The following UROC1 variants were observed in gnomAD, a reference collection of about 807,000 sequenced individuals.
The protein encoded by UROC1 is urocanate hydratase 1.
Under a neutral mutation model 89.5 loss-of-function variants are expected in UROC1, and 79 were observed. The ratio of observed to expected loss-of-function variants is 0.88; its 90% confidence interval spans 0.74 to 1.06. The LOEUF (loss-of-function observed/expected upper bound fraction) is 1.06, where lower values mean the gene tolerates loss of function less well. Among genes scored for constraint, UROC1 ranks in the 50% least tolerant of loss-of-function variants. The pLI is 0.00. For missense variants in UROC1, 885 were observed against 907.8 expected (o/e 0.97, Z 0.32); for synonymous variants, 361 against 354.8 (o/e 1.02, Z -0.20).
At chr3:126,493,129 T>C (rs1475320195) in intron 15 of UROC1, among the ~76,000 whole-genome samples, 1 of 152,138 alleles carries the variant, frequency 6.6e-6, no homozygotes, top group African/African-American at 2.4e-5. Flanking sequence ...AATGGGTGGT[T>C]GTCCCCGGGA....
chr3:126,512,585 A>T (rs1028528953), intron 1 of UROC1, among the ~76,000 whole-genome samples: 11 of 152,080 alleles, frequency 7.2e-5, no homozygotes, highest in Non-Finnish European at 1.5e-4. Flanking sequence ...ATTGCCAGGC[A>T]TGGTGCATAT....
At chr3:126,502,954 A>ATGTG (rs144044419) in intron 9 of UROC1, among the ~76,000 whole-genome samples, 50,670 of 150,654 alleles carry the variant, frequency 0.34, 9,016 homozygotes, top group East Asian at 0.56. Context: ...TGTGTGTTAT[A>ATGTG]TGTGTGTTTA....
At chr3:126,508,233 T>G (rs1284846793) in intron 4 of UROC1, 138 bp from the exon 5 acceptor site, 3 of 1,513,920 alleles carry the variant, frequency 2.0e-6, no homozygotes, top group Non-Finnish European at 2.7e-6. Context: ...GGTGCCTCCC[T>G]CAACACCACC....
rs766734768 is a variant in UROC1 at position 126,505,720 on chromosome 3, C to T, written c.794G>A (p.Cys265Tyr). 5.6e-6 allele frequency: 9 copies of T among 1,613,824 alleles called. No homozygotes were observed. Among genetic ancestry groups the T allele is most frequent in the Non-Finnish European group, 6.8e-6 (8 of 1,180,006 alleles). ...AQAKAAVIVG[C>Y]IGVIAEVDKA... ...GCTTACCTCTGCTATCACACCGATG[C>T]ACCCCACGATGACTGCGGCCTTGGC... is the stretch of plus-strand genomic sequence containing the variant. Residue 265 changes from cysteine to tyrosine, a missense_variant, in exon 8 of 20, where the codon TGC (cysteine) becomes TAC (tyrosine). By Grantham distance (194) the Cys-to-Tyr change is radical. Coordinates refer to ENST00000290868, the MANE Select transcript of UROC1 (RefSeq NM_144639.3).
Position 126,498,032 on chromosome 3 carries a change from T to C in UROC1, c.1438+19A>G. The stretch of plus-strand genomic sequence containing the variant: ...TGGGGGGGCCACCCACCCATGGGCA[T>C]CCCCACCAATGGCGTCACCTCCATC... On this transcript the variant is annotated intron_variant, in intron 14 of 19. Coordinates refer to ENST00000290868, the MANE Select transcript of UROC1 (RefSeq NM_144639.3). 6.2e-7 allele frequency: 1 copy of C among 1,613,886 alleles called. No homozygotes were observed. The highest frequency in any genetic ancestry group is 8.5e-7 in the Non-Finnish European group (1 of 1,179,994).
rs767845496 is a variant in UROC1 at position 126,501,167 on chromosome 3, G to C, written c.965+51C>G. The C allele has an allele frequency of 3.8e-6, 6 of 1,599,750 alleles. No homozygotes were observed. The Admixed American group carries it at 1.0e-4, about 27-fold the overall frequency. The stretch of plus-strand genomic sequence containing the variant: ...GTCAGCATTGAGGTCTTTGCTCAGG[G>C]GGCCCCATCTGGGTTCCCAAGCTGG... On this transcript the variant is annotated intron_variant, in intron 10 of 19. Transcript: ENST00000290868.
At chr3:126,509,867 A>C (rs1054287061) in intron 2 of UROC1, among the ~76,000 whole-genome samples, 189 bp from the exon 3 acceptor site, 1 of 152,018 alleles carries the variant, frequency 6.6e-6, no homozygotes, top group African/African-American at 2.4e-5. Context: ...GCCCCAACCC[A>C]CCCTGCTCTC....
At chr3:126,489,144 G>C in intron 17 of UROC1, 132 bp downstream of exon 17, 1 of 842,042 alleles carries the variant, frequency 1.2e-6, no homozygotes, top group East Asian at 2.6e-5. Flanking sequence ...CCTCAGTCCT[G>C]GGTTGGTCAC....
At chr3:126,500,989 G>T in intron 10 of UROC1, 115 bp from the exon 11 acceptor site, 1 of 1,442,584 alleles carries the variant, frequency 6.9e-7, no homozygotes, top group Non-Finnish European at 9.6e-7. Context: ...AGCAGGCACA[G>T]CCCGAGCCAG....
In UROC1 at chr3:126,507,814, G is replaced by C. The variant is rs756982232; in HGVS notation, c.541-11C>G. On this transcript the variant is annotated splice_polypyrimidine_tract_variant and intron_variant, in intron 5 of 19. Transcript: ENST00000290868. ...GTAGTTGGGAATGACCTGGAGAAGA[G>C]GATGGGGGCAGACAGAGGGGCTGAG... 3.1e-6 allele frequency: 5 copies of C among 1,614,158 alleles called. No individual in the cohort carries two copies. The highest frequency in any genetic ancestry group is 1.7e-5 in the Admixed American group (1 of 60,030).
intron 16 of UROC1, among the ~76,000 whole-genome samples, chr3:126,491,003 G>A (rs189918424): frequency 3.9e-5 from 6 of 152,256 alleles, no homozygotes; most frequent in East Asian, 3.9e-4. Flanking sequence ...ACAGGCCCCT[G>A]TGCCAGAAGA....
Position 126,496,040 on chromosome 3 carries a change from G to C in UROC1, c.1507C>G (p.Leu503Val). ...CTCCCCCAGGCCTGGGCCCTCACCA[G>C]CCGGTGCCTGGCGGCCTCCCGGATC... ...RWIREAARHR[L>V]VVGSQARILY... Residue 503 changes from leucine to valine, a missense_variant and splice_region_variant, in exon 15 of 20, where the codon CTG (leucine) becomes GTG (valine). By Grantham distance (32) the Leu-to-Val change is conservative (BLOSUM62 1). Coordinates refer to ENST00000290868, the MANE Select transcript of UROC1 (RefSeq NM_144639.3). 1 of 1,613,100 alleles carries C rather than the reference G, an allele frequency of 6.2e-7. No homozygotes were observed. The highest frequency in any genetic ancestry group is 8.5e-7 in the Non-Finnish European group (1 of 1,179,936).
At position 126,489,303 on chromosome 3, in the gene UROC1, T is replaced by C. The variant is rs1935589977; in HGVS notation, c.1681A>G (p.Ile561Val). The change falls in exon 17 of 20, where the codon ATT (isoleucine) becomes GTT (valine). Residue 561 changes from isoleucine (I) to valine (V), a missense_variant. Ile to Val is a conservative substitution (Grantham distance 29). Coordinates refer to ENST00000290868, the MANE Select transcript of UROC1 (RefSeq NM_144639.3). ...GCACAGAAGGCAGAGCCGTCGTAAA[T>C]GTTGGAGGTCTCCCTAAAGGGGCTG... ...TDSPFRETSN[I>V]YDGSAFCADM... is the part of the protein sequence containing the mutation. The C allele has an allele frequency of 6.2e-7, 1 of 1,613,890 alleles. No homozygotes were observed. Among genetic ancestry groups the C allele is most frequent in the Non-Finnish European group, 8.5e-7 (1 of 1,179,988 alleles).
Position 126,500,741 on chromosome 3 carries a change from G to A in UROC1, c.1099C>T (p.Leu367Phe). The change falls in exon 11 of 20, where the codon CTC becomes TTC. Residue 367 changes from leucine (L) to phenylalanine (F), a missense_variant. Coordinates refer to ENST00000290868, the MANE Select transcript of UROC1 (RefSeq NM_144639.3). ...VQLSFTEAQS[L>F]MASNPAVFKD... ...AACACAGCAGGGTTGGAGGCCATGA[G>A]GCTCTGGGCCTCCGTGAAGCTGAGC... The A allele has an allele frequency of 1.2e-6, 2 of 1,614,110 alleles. No individual in the cohort carries two copies. Among genetic ancestry groups the A allele is most frequent in the Non-Finnish European group, 1.7e-6 (2 of 1,180,036 alleles).
At chr3:126,489,700 C>T (rs559200661) in intron 16 of UROC1, among the ~76,000 whole-genome samples, 13 of 152,164 alleles carry the variant, frequency 8.5e-5, no homozygotes, top group Non-Finnish European at 1.6e-4. Context: ...TATCACAGAG[C>T]GAGTGAGTCG....
intron 3 of UROC1, among the ~76,000 whole-genome samples, chr3:126,509,238 TAAAA>T (rs531755748): frequency 8.2e-6 from 1 of 122,572 alleles, no homozygotes. Context: ...CCTGTCTCTC[TAAAA>T]AAAAAAAAAA....
rs1307034949 is a variant in UROC1, at chr3:126,500,730, G to A, written c.1110C>T (p.Ser370=). 1 of 1,614,010 alleles carries A rather than the reference G, an allele frequency of 6.2e-7. No individual in the cohort carries two copies. The highest frequency in any genetic ancestry group is 1.3e-5 in the African/African-American group (1 of 74,934). The change falls in exon 11 of 20, where the codon TCC becomes TCT. Residue 370 remains serine (S), a synonymous_variant. Transcript: ENST00000290868. ...SFTEAQSLMA[S]NPAVFKDLVQ... Reference sequence around the variant, plus strand: ...CCAGGTCCTTGAACACAGCAGGGTTGGAGGCCATGAGGCTCTGGGCCTCCG... The same window carrying A: ...CCAGGTCCTTGAACACAGCAGGGTTAGAGGCCATGAGGCTCTGGGCCTCCG...
chr3:126,485,095 T>C (rs1461171111), intron 18 of UROC1, among the ~76,000 whole-genome samples: 1 of 152,242 alleles, frequency 6.6e-6, no homozygotes, highest in Non-Finnish European at 1.5e-5. Context: ...CAAATGGTGT[T>C]GGAACAACTA....
At chr3:126,489,510 A>G (rs1935596793) in intron 16 of UROC1, 135 bp from the exon 17 acceptor site, 4 of 724,580 alleles carry the variant, frequency 5.5e-6, no homozygotes, top group African/African-American at 5.2e-5. Context: ...CTTCACAACT[A>G]TTTCTGATGT....
Sources: gnomAD v4.1 joint callset for allele counts (sites outside exome capture counted in the v4.1 genomes callset) on GRCh38, gnomAD v4.1.1 for gene constraint, MANE v1.5 for transcripts, NCBI Gene and HGNC (gene_info 2026-07-23, HGNC 2026-07-21) for gene names.